The following TTC29 variants were observed in gnomAD, a reference collection of about 807,000 sequenced individuals.
TTC29 encodes tetratricopeptide repeat protein 29.
In TTC29, 49 loss-of-function variants were observed where a neutral mutation model predicts 58.1. The ratio of observed to expected loss-of-function variants is 0.84; its 90% confidence interval spans 0.67 to 1.07. The LOEUF is 1.07. Among genes scored for constraint, TTC29 ranks in the 50% least tolerant of loss-of-function variants. TTC29 has a pLI of 0.00. For synonymous variants in TTC29, 209 were observed against 196.8 expected (o/e 1.06, Z -0.52); for missense variants, 582 against 555.6 (o/e 1.05, Z -0.48).
chr4:146,910,567 A>G (rs1560710681), intron 4 of TTC29, among the ~76,000 whole-genome samples: 1 of 152,054 alleles, frequency 6.6e-6, no homozygotes, highest in Non-Finnish European at 1.5e-5. Flanking sequence ...TCATGAAGAG[A>G]TCTTACGGTA....
chr4:146,831,110 G>A (rs932651913), intron 9 of TTC29, among the ~76,000 whole-genome samples: 1 of 152,162 alleles, frequency 6.6e-6, no homozygotes, highest in Non-Finnish European at 1.5e-5. Context: ...GCTGGTTGTA[G>A]CCTTGGGACA....
chr4:146,839,441 C>T (rs956892720), intron 8 of TTC29, among the ~76,000 whole-genome samples: 7 of 151,878 alleles, frequency 4.6e-5, no homozygotes, highest in East Asian at 1.9e-4. Flanking sequence ...CCAAATGTCA[C>T]GGGTAACCCC....
intron 10 of TTC29, among the ~76,000 whole-genome samples, chr4:146,807,038 G>A (rs1235900959): frequency 6.6e-6 from 1 of 152,016 alleles, no homozygotes; most frequent in African/African-American, 2.4e-5. Flanking sequence ...AACAAACAGT[G>A]TCTCAGACCA....
intron 11 of TTC29, among the ~76,000 whole-genome samples, chr4:146,711,195 A>G (rs963441662): frequency 6.6e-6 from 1 of 152,136 alleles, no homozygotes; most frequent in Non-Finnish European, 1.5e-5. Context: ...TCAACAAACC[A>G]AAAGTATTGT....
At chr4:146,904,760 A>T (rs1733410478) in intron 5 of TTC29, among the ~76,000 whole-genome samples, 1 of 152,142 alleles carries the variant, frequency 6.6e-6, no homozygotes, top group Non-Finnish European at 1.5e-5. Flanking sequence ...GTCAACCCAC[A>T]TATTCCTGAA....
intron 6 of TTC29, among the ~76,000 whole-genome samples, chr4:146,885,230 T>C (rs377201562): frequency 3.9e-5 from 6 of 151,946 alleles, no homozygotes; most frequent in Non-Finnish European, 5.9e-5. Flanking sequence ...TTTGAAAATG[T>C]AATGCAATAA....
chr4:146,746,481 C>T (rs969491770), intron 11 of TTC29, among the ~76,000 whole-genome samples: 1 of 152,114 alleles, frequency 6.6e-6, no homozygotes, highest in African/African-American at 2.4e-5. Context: ...ATGGTGAACC[C>T]TAAATTCAGG....
intron 11 of TTC29, among the ~76,000 whole-genome samples, chr4:146,778,674 G>A (rs927546256): frequency 4.9e-4 from 75 of 152,134 alleles, no homozygotes; most frequent in African/African-American, 1.7e-3. Context: ...TTACTTTCTA[G>A]AAATGATGAG....
intron 8 of TTC29, among the ~76,000 whole-genome samples, chr4:146,858,230 T>C (rs1729995167): frequency 6.6e-6 from 1 of 152,206 alleles, no homozygotes; most frequent in South Asian, 2.1e-4. Flanking sequence ...TCCAAGAAGT[T>C]AAGTGACTAA....
chr4:146,897,326 C>T (rs924089401), intron 6 of TTC29, among the ~76,000 whole-genome samples: 1 of 152,148 alleles, frequency 6.6e-6, no homozygotes, highest in African/African-American at 2.4e-5. Context: ...TAGCAAAGCT[C>T]CATAGAAACT....
At chr4:146,877,159 A>C (rs1439124624) in intron 6 of TTC29, among the ~76,000 whole-genome samples, 3 of 152,172 alleles carry the variant, frequency 2.0e-5, no homozygotes, top group African/African-American at 7.2e-5. Context: ...TGTTTATAAT[A>C]AGTAAATATA....
chr4:146,719,631 G>A (rs184592022), intron 11 of TTC29, among the ~76,000 whole-genome samples: 83 of 152,150 alleles, frequency 5.5e-4, no homozygotes, highest in African/African-American at 1.9e-3. Context: ...GTCTTTTAGA[G>A]ACCATTCCTA....
At chr4:146,847,540 G>A (rs2150178291) in intron 8 of TTC29, among the ~76,000 whole-genome samples, 1 of 152,270 alleles carries the variant, frequency 6.6e-6, no homozygotes, top group Non-Finnish European at 1.5e-5. Flanking sequence ...GTGACAGGCA[G>A]GAGCCGGCAC....
At chr4:146,720,399 A>ATTTG (rs1743270606) in intron 11 of TTC29, among the ~76,000 whole-genome samples, 1 of 152,138 alleles carries the variant, frequency 6.6e-6, no homozygotes, top group African/African-American at 2.4e-5. Flanking sequence ...TAATGTGAAC[A>ATTTG]TTTGTTTTTA....
intron 11 of TTC29, among the ~76,000 whole-genome samples, chr4:146,741,010 C>T (rs1175231555): frequency 6.6e-6 from 1 of 152,176 alleles, no homozygotes; most frequent in Non-Finnish European, 1.5e-5. Context: ...GCACGAGCCA[C>T]CGACCATGGT....
At chr4:146,817,136 CA>C (rs1282602407) in intron 10 of TTC29, among the ~76,000 whole-genome samples, 1 of 152,130 alleles carries the variant, frequency 6.6e-6, no homozygotes, top group Non-Finnish European at 1.5e-5. Context: ...AAGAGGAAGT[CA>C]AATTGTCTCT....
intron 11 of TTC29, among the ~76,000 whole-genome samples, chr4:146,770,312 T>C (rs1579633354): frequency 6.6e-6 from 1 of 151,834 alleles, no homozygotes; most frequent in South Asian, 2.1e-4. Flanking sequence ...GCTTCTGCAT[T>C]TCTCAAAAAA....
chr4:146,813,848 G>A (rs1019315750), intron 10 of TTC29, among the ~76,000 whole-genome samples: 8 of 152,194 alleles, frequency 5.3e-5, no homozygotes, highest in African/African-American at 1.9e-4. Flanking sequence ...GCTGGGTGGG[G>A]TGGCATGTGC....
Position 146,760,867 on chromosome 4 carries a change from A to ATATATATATGATGGAATAC in TTC29, c.1330+42589_1330+42590insGTATTCCATCATATATATA, listed in dbSNP as rs557204749. Among the ~76,000 whole-genome samples the ATATATATATGATGGAATAC allele has an allele frequency of 6.7e-3, 536 of 79,834 alleles. 1 individual carries two copies. Among genetic ancestry groups the ATATATATATGATGGAATAC allele is most frequent in the South Asian group, 0.011 (29 of 2,650 alleles). 52.4% of individuals were successfully genotyped at this position (79,834 alleles called of 152,430 possible). A position where few individuals can be genotyped will look rare whatever the true frequency, so the allele number is the denominator to read the frequency against. ...TACTATATATATATGATGGAATACT[A>ATATATATATGATGGAATAC]TATATATATATATATGATGGAATAC... is the stretch of plus-strand genomic sequence containing the variant. On this transcript the variant is annotated intron_variant, in intron 11 of 12. Transcript: ENST00000325106.
Sources: allele counts gnomAD v4.1 joint callset (sites outside exome capture counted in the v4.1 genomes callset), GRCh38; gene constraint gnomAD v4.1.1; transcripts MANE v1.5; gene names NCBI Gene and HGNC (gene_info 2026-07-23, HGNC 2026-07-21).